Variants in HTR2A observed in about 807,000 individuals in gnomAD.
HTR2A encodes the protein 5-HT2 receptor.
HTR2A carries 14 observed loss-of-function variants against 31.0 expected under a neutral mutation model. The ratio of observed to expected loss-of-function variants is 0.45; its 90% confidence interval spans 0.30 to 0.71. The LOEUF (loss-of-function observed/expected upper bound fraction) is 0.71, where lower values mean the gene tolerates loss of function less well. Among genes scored for constraint, HTR2A ranks in the 30% least tolerant of loss-of-function variants. The pLI, the probability that HTR2A is intolerant of heterozygous loss-of-function variation, is 0.09. For missense variants in HTR2A, 442 were observed against 573.3 expected (o/e 0.77, Z 2.34); for synonymous variants, 209 against 225.2 (o/e 0.93, Z 0.64).
Position 46,876,394 on chromosome 13 carries a change from A to G in HTR2A, c.613+15996T>C, listed in dbSNP as rs61948332. On this transcript the variant is annotated intron_variant, in intron 3 of 3. Coordinates refer to ENST00000542664, the MANE Select transcript of HTR2A (RefSeq NM_000621.5). ...TGCTTGTATTTTGATTCATATATAT[A>G]TATATATATATTTTTTTTTTTTTTT... Among the ~76,000 whole-genome samples the G allele has an allele frequency of 5.9e-3, 496 of 83,784 alleles. 1 individual carries two copies. The highest frequency in any genetic ancestry group is 7.3e-3 in the South Asian group (18 of 2,470). 55.0% of individuals were successfully genotyped at this position (83,784 alleles called of 152,430 possible). A position where few individuals can be genotyped will look rare whatever the true frequency, so the allele number is the denominator to read the frequency against.
rs567570031 is a variant in HTR2A, at chr13:46,835,639, C to A, written c.614G>T (p.Gly205Val). 6 of 1,599,310 alleles carry A rather than the reference C, an allele frequency of 3.8e-6. No individual in the cohort carries two copies. In the South Asian group the frequency reaches 6.7e-5, roughly 18 times the overall value. ...AAAGACTGGTATTGGCATGGATATA[C>A]CTGGAGTTGAACAGAAAATGAAACA... The part of the protein sequence containing the change: ...KIIAVWTISV[G>V]ISMPIPVFGL... Residue 205 changes from glycine to valine, a missense_variant and splice_region_variant, in exon 4 of 4, where the codon GGT (glycine) becomes GTT (valine). Transcript: ENST00000542664.
rs1458965332 is a variant in HTR2A at position 46,897,016 on chromosome 13, A to G, written c.-671T>C. The G allele has an allele frequency of 3.4e-6, 2 of 583,772 alleles. No individual in the cohort carries two copies. The highest frequency in any genetic ancestry group is 6.0e-6 in the Non-Finnish European group (2 of 334,864). 36.2% of individuals were successfully genotyped at this position (583,772 alleles called of 1,614,324 possible). On this transcript the variant is annotated 5_prime_UTR_variant, in exon 1 of 4. Coordinates refer to ENST00000542664, the MANE Select transcript of HTR2A (RefSeq NM_000621.5). ...AAAGTAGGAAGAGCTGTCTGCACCAAGGGACTCCTGGTTTCCACGGGAATG... is the reference window on the plus strand; with the variant it reads ...AAAGTAGGAAGAGCTGTCTGCACCAGGGGACTCCTGGTTTCCACGGGAATG...
chr13:46,888,332 T>C (rs951159494), intron 3 of HTR2A, among the ~76,000 whole-genome samples: 2 of 152,070 alleles, frequency 1.3e-5, no homozygotes, highest in Non-Finnish European at 2.9e-5. Flanking sequence ...GTTGCTAAAA[T>C]AGAGACAAAA....
At chr13:46,853,788 T>G (rs1024927189) in intron 3 of HTR2A, among the ~76,000 whole-genome samples, 4 of 152,154 alleles carry the variant, frequency 2.6e-5, no homozygotes, top group African/African-American at 9.7e-5. Flanking sequence ...ATCTAAAACA[T>G]CTTAGTTTTA....
At chr13:46,858,607 G>A (rs558894607) in intron 3 of HTR2A, among the ~76,000 whole-genome samples, 2 of 152,292 alleles carry the variant, frequency 1.3e-5, no homozygotes, top group South Asian at 2.1e-4. Context: ...GTGTGAACTG[G>A]AAATGGAAAT....
At position 46,895,177 on chromosome 13, in the gene HTR2A, G is replaced by A. The variant is rs149307160; in HGVS notation, c.412+318C>T. The A allele has an allele frequency of 1.0e-3, 263 of 261,934 alleles. No homozygotes were observed. The highest frequency in any genetic ancestry group is 4.1e-3 in the Admixed American group (82 of 20,168). The allele number at this position is 261,934 out of a possible 1,614,324, so 16.2% of individuals were successfully genotyped here. On this transcript the variant is annotated intron_variant, in intron 2 of 3. Transcript: ENST00000542664. This position sits in a 1 kb window ranked among gnomAD's most constrained non-coding sequence, Gnocchi z 4.4. The stretch of plus-strand genomic sequence containing the variant: ...ATGGGTAAGTTATTGGTTTATGACT[G>A]TATGGGGTAATTTATAAAAATTTCT...
chr13:46,868,563 A>T (rs540411786), intron 3 of HTR2A, among the ~76,000 whole-genome samples: 2 of 152,196 alleles, frequency 1.3e-5, no homozygotes, highest in Admixed American at 6.5e-5. Context: ...TCTTACAGAT[A>T]TATCATTTTT....
intron 2 of HTR2A, among the ~76,000 whole-genome samples, chr13:46,894,241 A>AG (rs1260149656): frequency 6.6e-6 from 1 of 152,064 alleles, no homozygotes; most frequent in African/African-American, 2.4e-5. Context: ...GGCGGCCGCC[A>AG]GGGGGCGCCC....
chr13:46,869,123 G>C (rs1055938208), intron 3 of HTR2A, among the ~76,000 whole-genome samples: 1 of 152,134 alleles, frequency 6.6e-6, no homozygotes, highest in Admixed American at 6.5e-5. Context: ...GTGCATCAAA[G>C]TATGTTACCA....
chr13:46,844,679 T>C (rs1950627304), intron 3 of HTR2A, among the ~76,000 whole-genome samples: 1 of 152,164 alleles, frequency 6.6e-6, no homozygotes, highest in Non-Finnish European at 1.5e-5. Context: ...TAAACAAGTA[T>C]GTATCAGCAA....
At chr13:46,835,751 G>T (rs1876433058) in intron 3 of HTR2A, 112 bp from the exon 4 acceptor site, 1 of 767,074 alleles carries the variant, frequency 1.3e-6, no homozygotes. Flanking sequence ...TCGTTTAAAA[G>T]CTTAACATAC....
At chr13:46,859,454 T>A (rs946706630) in intron 3 of HTR2A, among the ~76,000 whole-genome samples, 2 of 152,160 alleles carry the variant, frequency 1.3e-5, no homozygotes, top group South Asian at 4.1e-4. Flanking sequence ...AGGGTTTGGA[T>A]CTGTGTCCCT....
chr13:46,867,854 A>T (rs1427461956), intron 3 of HTR2A, among the ~76,000 whole-genome samples: 1 of 152,206 alleles, frequency 6.6e-6, no homozygotes, highest in Non-Finnish European at 1.5e-5. Context: ...TTAGCCTGCA[A>T]CTAGAATAAA....
At chr13:46,893,060 A>T (rs2070039) in intron 2 of HTR2A, among the ~76,000 whole-genome samples, 27,063 of 152,238 alleles carry the variant, frequency 0.18, 2,714 homozygotes, top group Non-Finnish European at 0.21. Flanking sequence ...CCATACAGTG[A>T]TGGCAATAAA....
intron 3 of HTR2A, among the ~76,000 whole-genome samples, chr13:46,883,375 A>G (rs1414308618): frequency 1.3e-5 from 2 of 151,994 alleles, no homozygotes; most frequent in African/African-American, 4.8e-5. Context: ...AAAATACATG[A>G]TTATGTTTAT....
At chr13:46,883,349 A>G (rs955913252) in intron 3 of HTR2A, among the ~76,000 whole-genome samples, 1 of 152,158 alleles carries the variant, frequency 6.6e-6, no homozygotes, top group African/African-American at 2.4e-5. Context: ...CTCCCATTAC[A>G]AAAGTAATAA....
At chr13:46,889,226 T>C (rs1465024644) in intron 3 of HTR2A, among the ~76,000 whole-genome samples, 2 of 151,994 alleles carry the variant, frequency 1.3e-5, no homozygotes, top group African/African-American at 4.8e-5. Context: ...AGATTTTAAA[T>C]CAAGAAGCAT....
chr13:46,869,020 A>G (rs1425251530), intron 3 of HTR2A, among the ~76,000 whole-genome samples: 1 of 152,138 alleles, frequency 6.6e-6, no homozygotes, highest in Non-Finnish European at 1.5e-5. Flanking sequence ...TATATTAGAG[A>G]AATACAAAGT....
At position 46,895,463 on chromosome 13, in the gene HTR2A, G is replaced by A; in HGVS notation, c.412+32C>T. 2.5e-6 allele frequency: 4 copies of A among 1,598,260 alleles called. No individual in the cohort carries two copies. Among genetic ancestry groups the A allele is most frequent in the Admixed American group, 1.7e-5 (1 of 59,270 alleles). ...CATGCACATGCTCTTTATTACCAGT[G>A]CGAATATAGCTGGGAAACTAATGCC... On this transcript the variant is annotated intron_variant, in intron 2 of 3. Coordinates refer to ENST00000542664, the MANE Select transcript of HTR2A (RefSeq NM_000621.5). The surrounding 1 kb of genome is among the most constrained non-coding windows in gnomAD (Gnocchi z 4.4).
Sources: gnomAD v4.1 joint callset for allele counts (sites outside exome capture counted in the v4.1 genomes callset) on GRCh38, gnomAD v4.1.1 for gene constraint, Gnocchi (gnomAD v3.1) non-coding constraint, MANE v1.5 for transcripts, NCBI Gene and HGNC (gene_info 2026-07-23, HGNC 2026-07-21) for gene names.